The following THSD7B variants were observed in gnomAD, a reference collection of about 807,000 sequenced individuals.
THSD7B encodes the protein thrombospondin type 1 domain containing 7B, also known as thrombospondin type-1 domain-containing protein 7B.
A neutral mutation model predicts 213.6 loss-of-function variants in THSD7B; 138 were observed. The observed-to-expected ratio is 0.65, with a 90% CI of 0.56 to 0.74. The LOEUF is 0.74. Among genes scored for constraint, THSD7B ranks in the 30% least tolerant of loss-of-function variants. THSD7B has a pLI of 0.00. For synonymous variants in THSD7B, 742 were observed against 687.0 expected, an observed-to-expected ratio of 1.08 and a Z score of -1.25; for missense variants, 1,931 against 1,991.5, an observed-to-expected ratio of 0.97 and a Z score of 0.58.
At chr2:137,674,825 G>A (rs1683658264) in intron 27 of THSD7B, among the ~76,000 whole-genome samples, 1 of 152,046 alleles carries the variant, frequency 6.6e-6, no homozygotes, top group Non-Finnish European at 1.5e-5. Flanking sequence ...CAGGTGCTAG[G>A]GTGGGGGGCA....
intron 5 of THSD7B, among the ~76,000 whole-genome samples, chr2:137,159,020 G>T (rs1367054058): frequency 6.6e-6 from 1 of 152,098 alleles, no homozygotes; most frequent in East Asian, 1.9e-4. Flanking sequence ...GCATTTGTCT[G>T]GTCCTTTAGA....
intron 5 of THSD7B, among the ~76,000 whole-genome samples, chr2:137,156,762 A>T (rs538920287): frequency 2.9e-4 from 44 of 152,244 alleles, no homozygotes; most frequent in African/African-American, 9.9e-4. Flanking sequence ...CCGCACAGAC[A>T]TGCTGGGAGC....
At chr2:137,385,050 G>A (rs1685860402) in intron 12 of THSD7B, among the ~76,000 whole-genome samples, 1 of 152,144 alleles carries the variant, frequency 6.6e-6, no homozygotes, top group Non-Finnish European at 1.5e-5. Context: ...TCAGAGGATA[G>A]CAAAGACCCA....
chr2:136,781,255 C>T (rs1402999315), intron 1 of THSD7B, among the ~76,000 whole-genome samples: 1 of 148,030 alleles, frequency 6.8e-6, no homozygotes, highest in Non-Finnish European at 1.5e-5. Context: ...ATTTTGACTA[C>T]TTACCAGTTC....
intron 4 of THSD7B, among the ~76,000 whole-genome samples, chr2:137,102,948 G>A (rs1314979567): frequency 3.9e-5 from 6 of 152,164 alleles, no homozygotes; most frequent in Non-Finnish European, 5.9e-5. Context: ...ATGGAACCAA[G>A]TTGGAAAACA....
At chr2:137,067,909 C>T (rs1687411380) in intron 3 of THSD7B, among the ~76,000 whole-genome samples, 1 of 152,068 alleles carries the variant, frequency 6.6e-6, no homozygotes, top group Admixed American at 6.6e-5. Flanking sequence ...AAGGTATACT[C>T]ACAAAAGTAT....
intron 2 of THSD7B, among the ~76,000 whole-genome samples, chr2:136,972,623 A>G (rs16837772): frequency 0.011 from 1,640 of 152,282 alleles, 22 homozygotes; most frequent in African/African-American, 0.037. Flanking sequence ...AATTTTTACT[A>G]TTGCAAATCA....
At chr2:137,126,299 G>A (rs553320951) in intron 5 of THSD7B, among the ~76,000 whole-genome samples, 1 of 152,120 alleles carries the variant, frequency 6.6e-6, no homozygotes, top group Non-Finnish European at 1.5e-5. Context: ...TTCCAGTGTA[G>A]CCACCTTCAT....
At chr2:137,138,105 G>T (rs1167711319) in intron 5 of THSD7B, among the ~76,000 whole-genome samples, 1 of 151,968 alleles carries the variant, frequency 6.6e-6, no homozygotes, top group Non-Finnish European at 1.5e-5. Context: ...TGTTGCCCCG[G>T]CTGGTCTCAA....
chr2:136,779,198 A>ATGTGTGTG (rs199689020), intron 1 of THSD7B, among the ~76,000 whole-genome samples: 1,390 of 55,108 alleles, frequency 0.025, 12 homozygotes, highest in Non-Finnish European at 0.041. Flanking sequence ...ATATATATAT[A>ATGTGTGTG]TGTGTGTGTG....
rs552023898 is a variant in THSD7B at position 137,398,896 on chromosome 2, C to T, written c.2501-6717C>T. Reference sequence around the variant, plus strand: ...CCGTTTTTTAAGCCTGTCAGAAAAGCGCAATATTCGGGTGGGAGTGACCCG... The same window carrying T: ...CCGTTTTTTAAGCCTGTCAGAAAAGTGCAATATTCGGGTGGGAGTGACCCG... On this transcript the variant is annotated intron_variant, in intron 12 of 27. Transcript: ENST00000409968. 1.3e-3 allele frequency among the ~76,000 whole-genome samples: 197 copies of T among 152,302 alleles called. 1 individual carries two copies. The highest frequency in any genetic ancestry group is 4.4e-3 in the African/African-American group (182 of 41,572).
intron 2 of THSD7B, among the ~76,000 whole-genome samples, chr2:137,001,720 C>A (rs1686003062): frequency 6.6e-6 from 1 of 152,124 alleles, no homozygotes; most frequent in African/African-American, 2.4e-5. Flanking sequence ...ATGTTCAAAT[C>A]TTTGACCATT....
At chr2:137,163,358 G>C (rs1680056112) in intron 6 of THSD7B, among the ~76,000 whole-genome samples, 1 of 152,130 alleles carries the variant, frequency 6.6e-6, no homozygotes, top group Admixed American at 6.6e-5. Flanking sequence ...TTAAGATTAG[G>C]TCATACTGGA....
intron 17 of THSD7B, among the ~76,000 whole-genome samples, chr2:137,612,557 G>A (rs1470135630): frequency 2.0e-5 from 3 of 152,118 alleles, no homozygotes; most frequent in Non-Finnish European, 4.4e-5. Context: ...CCAGTCTTGT[G>A]CCAACAATGA....
chr2:137,006,443 CATAT>C (rs1397960049), intron 2 of THSD7B, among the ~76,000 whole-genome samples: 56 of 146,080 alleles, frequency 3.8e-4, no homozygotes, highest in African/African-American at 1.3e-3. Context: ...TACATACATA[CATAT>C]AGGTTGTATA....
At chr2:137,084,245 A>C (rs1034200217) in intron 3 of THSD7B, among the ~76,000 whole-genome samples, 1 of 152,192 alleles carries the variant, frequency 6.6e-6, no homozygotes, top group Non-Finnish European at 1.5e-5. Context: ...GGGGAAATCT[A>C]CTTACATGAC....
chr2:137,048,701 A>G (rs1318082615), intron 2 of THSD7B, among the ~76,000 whole-genome samples: 1 of 152,238 alleles, frequency 6.6e-6, no homozygotes, highest in Non-Finnish European at 1.5e-5. Flanking sequence ...AGTAGACAAC[A>G]TAAAAGAAAG....
At chr2:137,298,749 A>C (rs1683527181) in intron 12 of THSD7B, among the ~76,000 whole-genome samples, 1 of 152,116 alleles carries the variant, frequency 6.6e-6, no homozygotes, top group Non-Finnish European at 1.5e-5. Context: ...GGCAACTTCC[A>C]CCTGGTGTTG....
intron 2 of THSD7B, among the ~76,000 whole-genome samples, chr2:137,015,969 A>G (rs535100864): frequency 2.0e-5 from 3 of 152,302 alleles, no homozygotes; most frequent in East Asian, 1.9e-4. Context: ...CTTCTCTTCT[A>G]GGACAGCAGT....
Sources: gnomAD v4.1 joint callset for allele counts (sites outside exome capture counted in the v4.1 genomes callset) on GRCh38, gnomAD v4.1.1 for gene constraint, MANE v1.5 for transcripts, NCBI Gene and HGNC (gene_info 2026-07-23, HGNC 2026-07-21) for gene names.